The following EPHA5 variants were observed in gnomAD, a reference collection of about 807,000 sequenced individuals.
The protein encoded by EPHA5 is ephrin type-A receptor 5.
EPHA5 carries 60 observed loss-of-function variants against 105.0 expected under a neutral mutation model. That is an observed-to-expected ratio of 0.57 (90% confidence interval 0.46 to 0.71). The LOEUF is 0.71. Among genes scored for constraint, EPHA5 ranks in the 30% least tolerant of loss-of-function variants. EPHA5 has a pLI of 0.00. For synonymous variants in EPHA5, 513 were observed against 449.1 expected (o/e 1.14, Z -1.80); for missense variants, 1,218 against 1,274.7 (o/e 0.96, Z 0.68).
chr4:65,338,700 A>G (rs140483731), intron 14 of EPHA5, among the ~76,000 whole-genome samples: 67 of 152,258 alleles, frequency 4.4e-4, no homozygotes, highest in Non-Finnish European at 8.8e-4. Flanking sequence ...AATTGTTAGA[A>G]TTTATTTTAA....
intron 5 of EPHA5, among the ~76,000 whole-genome samples, chr4:65,483,262 G>A (rs375655705): frequency 6.6e-6 from 1 of 152,114 alleles, no homozygotes; most frequent in African/African-American, 2.4e-5. Flanking sequence ...GTCTATCATT[G>A]TTGGACATTT....
intron 11 of EPHA5, among the ~76,000 whole-genome samples, chr4:65,364,243 T>C (rs919060891): frequency 2.0e-5 from 3 of 151,644 alleles, no homozygotes; most frequent in Non-Finnish European, 4.4e-5. Context: ...TGGATTTCGG[T>C]AACTTATGTG....
chr4:65,586,044 A>G (rs1578500315), intron 3 of EPHA5, among the ~76,000 whole-genome samples: 1 of 151,832 alleles, frequency 6.6e-6, no homozygotes, highest in East Asian at 1.9e-4. Flanking sequence ...GAAATAAGGA[A>G]GAGGAAGAGA....
intron 13 of EPHA5, among the ~76,000 whole-genome samples, chr4:65,349,538 C>T (rs1722619300): frequency 6.6e-6 from 1 of 151,988 alleles, no homozygotes; most frequent in Non-Finnish European, 1.5e-5. Context: ...CATGTGCCTT[C>T]CCATTTTGCA....
chr4:65,498,354 G>C (rs13147215), intron 3 of EPHA5, among the ~76,000 whole-genome samples: 6,498 of 151,886 alleles, frequency 0.043, 239 homozygotes, highest in African/African-American at 0.09. Flanking sequence ...GCTTTATTAA[G>C]GTTTAACTGA....
At chr4:65,513,549 A>C (rs1488334440) in intron 3 of EPHA5, among the ~76,000 whole-genome samples, 1 of 151,690 alleles carries the variant, frequency 6.6e-6, no homozygotes, top group African/African-American at 2.4e-5. Flanking sequence ...ACCACGCCCG[A>C]CTAATTTTTG....
At chr4:65,410,475 G>A (rs941799113) in intron 7 of EPHA5, among the ~76,000 whole-genome samples, 1 of 152,134 alleles carries the variant, frequency 6.6e-6, no homozygotes. Context: ...GGATCTTTAC[G>A]GTATTGGGAT....
chr4:65,527,511 A>AGAG (rs1410803549), intron 3 of EPHA5, among the ~76,000 whole-genome samples: 2 of 152,144 alleles, frequency 1.3e-5, no homozygotes, highest in African/African-American at 4.8e-5. Flanking sequence ...AATAAGAAGT[A>AGAG]GAGTCTCTAC....
chr4:65,583,042 A>C (rs559677553), intron 3 of EPHA5, among the ~76,000 whole-genome samples: 24 of 151,684 alleles, frequency 1.6e-4, no homozygotes, highest in African/African-American at 5.8e-4. Flanking sequence ...ATTTTAGGCA[A>C]TAGGTATGTA....
In EPHA5 at chr4:65,485,597, G is replaced by A. The variant is rs139385128; in HGVS notation, c.1402+4780C>T. Among the ~76,000 whole-genome samples, 200 of 152,220 alleles carry A rather than the reference G, an allele frequency of 1.3e-3. 1 individual carries two copies. Among genetic ancestry groups the A allele is most frequent in the Middle Eastern group, 3.4e-3 (1 of 294 alleles). Reference sequence around the variant, plus strand: ...GTTTTGGAAAATGTCTAAATACTATGTATACATTTATAAATCATTTAATCG... The same window carrying A: ...GTTTTGGAAAATGTCTAAATACTATATATACATTTATAAATCATTTAATCG... On this transcript the variant is annotated intron_variant, in intron 5 of 16. Transcript: ENST00000613740.
chr4:65,461,727 A>G (rs1202468402), intron 5 of EPHA5, among the ~76,000 whole-genome samples: 2 of 152,076 alleles, frequency 1.3e-5, no homozygotes, highest in African/African-American at 4.8e-5. Flanking sequence ...TTTAATGGGT[A>G]CAGCAAAACT....
At chr4:65,630,950 TTTTGGA>T (rs1178679411) in intron 2 of EPHA5, among the ~76,000 whole-genome samples, 2 of 152,168 alleles carry the variant, frequency 1.3e-5, no homozygotes, top group African/African-American at 4.8e-5. Context: ...TATTAATAAT[TTTTGGA>T]TGAAATACTT....
intron 1 of EPHA5, among the ~76,000 whole-genome samples, chr4:65,652,545 C>A (rs1208487669): frequency 6.6e-6 from 1 of 152,080 alleles, no homozygotes; most frequent in Non-Finnish European, 1.5e-5. Flanking sequence ...TAGCTGAAAT[C>A]TAAATCCAAG....
At chr4:65,389,408 T>G (rs1720477921) in intron 8 of EPHA5, among the ~76,000 whole-genome samples, 1 of 152,068 alleles carries the variant, frequency 6.6e-6, no homozygotes, top group Non-Finnish European at 1.5e-5. Flanking sequence ...CTTTTCTCTG[T>G]AATTGCACAT....
intron 5 of EPHA5, among the ~76,000 whole-genome samples, chr4:65,481,319 T>C (rs1362304143): frequency 2.0e-5 from 3 of 152,198 alleles, no homozygotes; most frequent in African/African-American, 7.2e-5. Context: ...ATTACAAAGA[T>C]GATTTAATTT....
intron 15 of EPHA5, among the ~76,000 whole-genome samples, chr4:65,332,673 T>C (rs1254645161): frequency 1.3e-5 from 2 of 151,712 alleles, no homozygotes; most frequent in African/African-American, 4.8e-5. Context: ...GGGAGATCTC[T>C]GCACCTTCCA....
intron 5 of EPHA5, among the ~76,000 whole-genome samples, chr4:65,468,857 T>C (rs1208071634): frequency 6.6e-6 from 1 of 151,616 alleles, no homozygotes; most frequent in East Asian, 1.9e-4. Flanking sequence ...TAAGATTTAA[T>C]CCCTAAATCC....
At chr4:65,470,196 T>TA (rs1229586084) in intron 5 of EPHA5, among the ~76,000 whole-genome samples, 1 of 151,166 alleles carries the variant, frequency 6.6e-6, no homozygotes, top group Non-Finnish European at 1.5e-5. Flanking sequence ...TTTCTTTGTT[T>TA]TTTTTTTTTT....
chr4:65,661,038 A>G (rs1749515384), intron 1 of EPHA5, among the ~76,000 whole-genome samples: 1 of 152,138 alleles, frequency 6.6e-6, no homozygotes, highest in African/African-American at 2.4e-5. Context: ...GTATTGCTCT[A>G]ATAATTAGAA....
Sources: gnomAD v4.1 joint callset for allele counts (sites outside exome capture counted in the v4.1 genomes callset) on GRCh38, gnomAD v4.1.1 for gene constraint, MANE v1.5 for transcripts, NCBI Gene and HGNC (gene_info 2026-07-23, HGNC 2026-07-21) for gene names.